The following PNN variants were observed in gnomAD, a reference collection of about 807,000 sequenced individuals.
The protein encoded by PNN is pinin, desmosome associated protein.
A neutral mutation model predicts 76.6 loss-of-function variants in PNN; 38 were observed. The observed-to-expected ratio is 0.50, with a 90% CI of 0.38 to 0.65. The LOEUF is 0.65. PNN is among the 30% of genes least tolerant of loss of function. The pLI, the probability that PNN is intolerant of heterozygous loss-of-function variation, is 0.00. For missense variants in PNN, 873 were observed against 874.1 expected (o/e 1.00, Z 0.02); for synonymous variants, 366 against 283.7 (o/e 1.29, Z -2.91).
intron 8 of PNN, among the ~76,000 whole-genome samples, chr14:39,180,094 A>G (rs761309370): frequency 1.1e-4 from 16 of 152,170 alleles, no homozygotes; most frequent in Non-Finnish European, 1.5e-4. Context: ...CAAATGTGAA[A>G]ACCAACTCAG....
chr14:39,177,517 G>C, intron 4 of PNN, 33 bp downstream of exon 4: 1 of 1,592,540 alleles, frequency 6.3e-7, no homozygotes, highest in Non-Finnish European at 8.6e-7. Flanking sequence ...AATGAATGTA[G>C]TACCTTCACT....
chr14:39,178,118 C>T (rs567657580), intron 6 of PNN, among the ~76,000 whole-genome samples: 143 of 151,884 alleles, frequency 9.4e-4, no homozygotes, highest in African/African-American at 3.0e-3. Flanking sequence ...GATATCATAG[C>T]TAATAGCCTT....
At position 39,179,188 on chromosome 14, in the gene PNN, G is replaced by A; in HGVS notation, c.596G>A (p.Arg199Lys). ...ENERRELFEERRAKQTELRLL... is the reference protein window; with the variant it reads ...ENERRELFEEKRAKQTELRLL... Reference sequence around the variant, plus strand: ...GAAAGGAGAGAACTGTTTGAAGAGAGGCGTGCTAAACAGACAGAACTGCGG... The same window carrying A: ...GAAAGGAGAGAACTGTTTGAAGAGAAGCGTGCTAAACAGACAGAACTGCGG... The change falls in exon 7 of 9, where the codon AGG becomes AAG. Residue 199 changes from arginine (R) to lysine (K), a missense_variant. Transcript: ENST00000216832. The A allele has an allele frequency of 6.2e-7, 1 of 1,614,094 alleles. No homozygotes were observed. Among genetic ancestry groups the A allele is most frequent in the African/African-American group, 1.3e-5 (1 of 75,050 alleles).
intron 1 of PNN, 139 bp from the exon 2 acceptor site, chr14:39,175,939 A>C (rs1470559170): frequency 4.9e-6 from 3 of 617,800 alleles, no homozygotes; most frequent in African/African-American, 1.9e-5. Flanking sequence ...GTCCTGTTTC[A>C]GACATTTAGA....
rs773619165 is a variant in PNN, at chr14:39,180,887, T to C, written c.1178T>C (p.Val393Ala). Reference sequence around the variant, plus strand: ...GAAGTTATGGATGTGCTAGAGATGGTTGAGAATGTCAAACATGTAATTGCT... The same window carrying C: ...GAAGTTATGGATGTGCTAGAGATGGCTGAGAATGTCAAACATGTAATTGCT... The part of the protein sequence containing the change: ...PEEVMDVLEM[V>A]ENVKHVIADQ... Residue 393 changes from valine to alanine, a missense_variant, in exon 9 of 9, where the codon GTT becomes GCT. Physicochemically the swap from Val to Ala is moderately conservative, Grantham distance 64 (BLOSUM62 0). Transcript: ENST00000216832. 17 of 1,614,022 alleles carry C rather than the reference T, an allele frequency of 1.1e-5. No homozygotes were observed. Among genetic ancestry groups the C allele is most frequent in the South Asian group, 7.7e-5 (7 of 91,080 alleles).
At chr14:39,179,043 G>A (rs955116152) in intron 6 of PNN, 48 bp from the exon 7 acceptor site, 1 of 1,549,808 alleles carries the variant, frequency 6.5e-7, no homozygotes, top group African/African-American at 1.4e-5. Context: ...ACCTTTTGTT[G>A]TAACTATTTC....
rs1270020482 is a variant in PNN, at chr14:39,181,359, A to G, written c.1650A>G (p.Pro550=). The G allele has an allele frequency of 6.2e-7, 1 of 1,614,258 alleles. No homozygotes were observed. The change falls in exon 9 of 9, where the codon CCA becomes CCG. Residue 550 remains proline (P), a synonymous_variant. Coordinates refer to ENST00000216832, the MANE Select transcript of PNN (RefSeq NM_002687.4). ...TAGAGCCAGTCTTGACAGTACATCC[A>G]GAGAGCAAGAGCAAAACCAAAACTA... The part of the protein sequence containing the change: ...VPVEPVLTVH[P]ESKSKTKTRS...
In PNN at chr14:39,180,811, G is replaced by A. The variant is rs756189016; in HGVS notation, c.1102G>A (p.Glu368Lys). The A allele has an allele frequency of 2.0e-5, 33 of 1,613,456 alleles. No individual in the cohort carries two copies. The highest frequency in any genetic ancestry group is 2.7e-5 in the Non-Finnish European group (32 of 1,179,712). ...ACAGGAAATGGAGGTTAAGATGGAGGAGGAAACTGAGGTAAGGGAAAGTGA... is the reference window on the plus strand; with the variant it reads ...ACAGGAAATGGAGGTTAAGATGGAGAAGGAAACTGAGGTAAGGGAAAGTGA... ...QKQEMEVKME[E>K]ETEVRESEKQ... is the part of the protein sequence containing the mutation. The change falls in exon 9 of 9, where the codon GAG (glutamate) becomes AAG (lysine). Residue 368 changes from glutamate (E) to lysine (K), a missense_variant. Physicochemically the swap from Glu to Lys is moderately conservative, Grantham distance 56. This residue lies in a region of PNN where 712 missense variants were observed against 693.1 expected (regional missense o/e 1.03). Transcript: ENST00000216832.
chr14:39,177,965 A>G (rs777788910), intron 6 of PNN, 49 bp downstream of exon 6: 4 of 1,128,962 alleles, frequency 3.5e-6, no homozygotes, highest in Non-Finnish European at 5.3e-6. Context: ...TTATCAAAGT[A>G]GTAGATTAAT....
intron 3 of PNN, 67 bp from the exon 4 acceptor site, chr14:39,177,345 C>T (rs962140548): frequency 7.8e-7 from 1 of 1,289,528 alleles, no homozygotes. Context: ...GTGGTGGCAC[C>T]ACTGCACTTC....
rs761711575 is a variant in PNN, at chr14:39,181,049, A to G, written c.1340A>G (p.Glu447Gly). The G allele has an allele frequency of 8.7e-6, 14 of 1,613,040 alleles. No individual in the cohort carries two copies. In the Admixed American group the frequency reaches 1.5e-4, roughly 17 times the overall value. Residue 447 changes from glutamate (E) to glycine (G), a missense_variant, in exon 9 of 9, where the codon GAG (glutamate) becomes GGG (glycine). Physicochemically the swap from Glu to Gly is moderately conservative, Grantham distance 98. This residue lies in a region of PNN where 712 missense variants were observed against 693.1 expected (regional missense o/e 1.03). Transcript: ENST00000216832. ...KECKTLSPGK[E>G]NVSALDMEKE... ...TGTAAAACCCTTTCTCCTGGGAAAG[A>G]GAATGTCAGTGCTTTAGACATGGAA...
Position 39,176,002 on chromosome 14 carries a change from C to T in PNN, c.114-76C>T, listed in dbSNP as rs77003236. On this transcript the variant is annotated intron_variant, in intron 1 of 8. Coordinates refer to ENST00000216832, the MANE Select transcript of PNN (RefSeq NM_002687.4). ...TTTGTGATTTTTTCTCCTTATGATC[C>T]ACATCTCTGAAAGTATTTGGGTGCG... is the stretch of plus-strand genomic sequence containing the variant. The T allele has an allele frequency of 1.2e-3, 950 of 765,272 alleles. 8 individuals carry two copies. The African/African-American group carries it at 0.015, about 12-fold the overall frequency. 47.4% of individuals were successfully genotyped at this position (765,272 alleles called of 1,614,324 possible). A position where few individuals can be genotyped will look rare whatever the true frequency, so the allele number is the denominator to read the frequency against.
At chr14:39,176,678 G>A (rs1165736167) in intron 3 of PNN, 83 bp downstream of exon 3, 17 of 858,124 alleles carry the variant, frequency 2.0e-5, no homozygotes, top group Non-Finnish European at 2.7e-5. Flanking sequence ...CAATAATTCT[G>A]TTTCAGCAAT....
chr14:39,179,361 A>G lies in PNN; in HGVS notation c.692A>G (p.Lys231Arg). The change falls in exon 8 of 9, where the codon AAA becomes AGA. Residue 231 changes from lysine (K) to arginine (R), a missense_variant. By Grantham distance (26) the Lys-to-Arg change is conservative (BLOSUM62 2). Around this residue, in one of 3 missense-constraint regions of PNN, gnomAD observed 712 missense variants for 693.1 expected, o/e 1.03. Transcript: ENST00000216832. Reference protein sequence around the residue: ...EWNEHNAKIIKYIRTKTKPHL... With the variant: ...EWNEHNAKIIRYIRTKTKPHL... ...AATGAACATAATGCCAAAATAATTA[A>G]ATATATAAGAACTAAGACAAAGCCC... 1 of 1,611,114 alleles carries G rather than the reference A, an allele frequency of 6.2e-7. No homozygotes were observed. Among genetic ancestry groups the G allele is most frequent in the Non-Finnish European group, 8.5e-7 (1 of 1,178,382 alleles).
At position 39,175,968 on chromosome 14, in the gene PNN, T is replaced by G. The variant is rs1566556892; in HGVS notation, c.114-110T>G. On this transcript the variant is annotated intron_variant, in intron 1 of 8. Transcript: ENST00000216832. ...ATTTAGATTTATTTGAAACTATCTTTTTGGAACTTTTGTGATTTTTTCTCC... is the reference window on the plus strand; with the variant it reads ...ATTTAGATTTATTTGAAACTATCTTGTTGGAACTTTTGTGATTTTTTCTCC... 1.4e-5 allele frequency: 9 copies of G among 656,376 alleles called. No individual in the cohort carries two copies. The East Asian group carries it at 2.4e-4, about 18-fold the overall frequency. The allele number at this position is 656,376 out of a possible 1,614,324, so 40.7% of individuals were successfully genotyped here. A position where few individuals can be genotyped will look rare whatever the true frequency, so the allele number is the denominator to read the frequency against.
Position 39,176,128 on chromosome 14 carries a change from G to A in PNN, c.164G>A (p.Gly55Glu), listed in dbSNP as rs770309394. The A allele has an allele frequency of 6.2e-6, 10 of 1,604,432 alleles. No individual in the cohort carries two copies. Among genetic ancestry groups the A allele is most frequent in the African/African-American group, 1.3e-5 (1 of 74,710 alleles). Reference protein sequence around the residue: ...LALSGPGGGRGRGSLLLRRGF... With the variant: ...LALSGPGGGRERGSLLLRRGF... ...CTTTCTGGTCCTGGTGGAGGTAGAG[G>A]ACGTGGTAGTTTATTACTGAGGTAA... is the stretch of plus-strand genomic sequence containing the variant. The change falls in exon 2 of 9, where the codon GGA (glycine) becomes GAA (glutamate). Residue 55 changes from glycine to glutamate, a missense_variant. By Grantham distance (98) the Gly-to-Glu change is moderately conservative (BLOSUM62 -2). This residue lies in a region of PNN where 156 missense variants were observed against 161.7 expected (regional missense o/e 0.96). Transcript: ENST00000216832.
At position 39,177,581 on chromosome 14, in the gene PNN, C is replaced by T. The variant is rs758980560; in HGVS notation, c.328-12C>T. 6.2e-7 allele frequency: 1 copy of T among 1,612,008 alleles called. No homozygotes were observed. The highest frequency in any genetic ancestry group is 8.5e-7 in the Non-Finnish European group (1 of 1,178,082). ...ATGCTAGTTAAATTACTGAGATTTTCTTTTTCTGCAGCCAGCATTGCAGTC... is the reference window on the plus strand; with the variant it reads ...ATGCTAGTTAAATTACTGAGATTTTTTTTTTCTGCAGCCAGCATTGCAGTC... On this transcript the variant is annotated splice_polypyrimidine_tract_variant and intron_variant, in intron 4 of 8. Transcript: ENST00000216832.
At position 39,181,415 on chromosome 14, in the gene PNN, A is replaced by C; in HGVS notation, c.1706A>C (p.Lys569Thr). Residue 569 changes from lysine (K) to threonine (T), a missense_variant, in exon 9 of 9, where the codon AAA becomes ACA. Lys to Thr is a moderately conservative substitution (Grantham distance 78). Coordinates refer to ENST00000216832, the MANE Select transcript of PNN (RefSeq NM_002687.4). ...AGAAGTAGAGGTCGAGCTAGAAATA[A>C]AACAAGCAAGAGTAGAAGTCGAAGC... ...RSRSRGRARNKTSKSRSRSSS... is the reference protein window; with the variant it reads ...RSRSRGRARNTTSKSRSRSSS... 6.2e-7 allele frequency: 1 copy of C among 1,614,220 alleles called. No individual in the cohort carries two copies. The highest frequency in any genetic ancestry group is 1.3e-5 in the African/African-American group (1 of 75,062).
intron 1 of PNN, 56 bp downstream of exon 1, chr14:39,175,448 G>C: frequency 9.6e-7 from 1 of 1,040,832 alleles, no homozygotes; most frequent in South Asian, 1.3e-5. Context: ...CCCTCAGGTC[G>C]GGGTGAATTG....
Sources: gnomAD v4.1 joint callset for allele counts (sites outside exome capture counted in the v4.1 genomes callset) on GRCh38, gnomAD v4.1.1 for gene constraint, gnomAD v4.1.1 regional missense constraint, MANE v1.5 for transcripts, NCBI Gene and HGNC (gene_info 2026-07-23, HGNC 2026-07-21) for gene names.